Variants in RAP1GAP2 observed in about 807,000 individuals in gnomAD.
The protein encoded by RAP1GAP2 is RAP1 GTPase activating protein 2.
RAP1GAP2 carries 27 observed loss-of-function variants against 95.0 expected under a neutral mutation model. The ratio of observed to expected loss-of-function variants is 0.28; its 90% CI spans 0.21 to 0.39. The LOEUF (loss-of-function observed/expected upper bound fraction) is 0.39. Among genes scored for constraint, RAP1GAP2 ranks in the 10% least tolerant of loss-of-function variants. The pLI is 1.00. For synonymous variants in RAP1GAP2, 373 were observed against 380.9 expected, an observed-to-expected ratio of 0.98 and a Z score of 0.24; for missense variants, 771 against 970.0, an observed-to-expected ratio of 0.79 and a Z score of 2.72.
At chr17:2,894,468 A>C (rs965557828) in intron 2 of RAP1GAP2, among the ~76,000 whole-genome samples, 1 of 152,066 alleles carries the variant, frequency 6.6e-6, no homozygotes, top group Non-Finnish European at 1.5e-5. Flanking sequence ...CCAAAGCCCT[A>C]CATGCTGTCC....
upstream of RAP1GAP2, among the ~76,000 whole-genome samples, chr17:2,795,728 G>T (rs2069057716): frequency 6.6e-6 from 1 of 152,210 alleles, no homozygotes; most frequent in Non-Finnish European, 1.5e-5. Flanking sequence ...GTCTGTGCAC[G>T]TGTCCAATGG....
chr17:2,947,860 C>T (rs2043762616), intron 3 of RAP1GAP2, among the ~76,000 whole-genome samples: 2 of 152,156 alleles, frequency 1.3e-5, no homozygotes, highest in Admixed American at 1.3e-4. Flanking sequence ...GTCATGTCTT[C>T]CCTCTTCATC....
At chr17:2,945,145 G>T (rs2043657597) in intron 3 of RAP1GAP2, among the ~76,000 whole-genome samples, 1 of 152,212 alleles carries the variant, frequency 6.6e-6, no homozygotes, top group South Asian at 2.1e-4. Context: ...AAAATGCTGG[G>T]ATTATAGGCG....
At chr17:2,776,072 G>A (rs193107635), upstream of RAP1GAP2, among the ~76,000 whole-genome samples, 100 of 152,254 alleles carry the variant, frequency 6.6e-4, 1 homozygote, top group Admixed American at 6.3e-3. Flanking sequence ...CCAGCTACTC[G>A]GCAGGCTGAG....
intron 2 of RAP1GAP2, among the ~76,000 whole-genome samples, chr17:2,884,982 C>T (rs954191993): frequency 7.3e-5 from 11 of 151,712 alleles, no homozygotes; most frequent in African/African-American, 1.9e-4. Context: ...TCCTCATAGC[C>T]GTTACGGCCT....
chr17:2,977,032 G>A (rs901540306), intron 8 of RAP1GAP2, among the ~76,000 whole-genome samples: 3 of 151,468 alleles, frequency 2.0e-5, no homozygotes, highest in African/African-American at 7.3e-5. Flanking sequence ...AGCTACTCGG[G>A]AGGCGGAGGC....
chr17:2,799,159 G>A (rs1381185743), intron 1 of RAP1GAP2, among the ~76,000 whole-genome samples: 1 of 152,188 alleles, frequency 6.6e-6, no homozygotes, highest in Admixed American at 6.5e-5. Context: ...GCAGAGTGTG[G>A]GGCTCTGAGT....
chr17:2,863,781 G>T (rs1365521017), intron 2 of RAP1GAP2, among the ~76,000 whole-genome samples: 4 of 152,170 alleles, frequency 2.6e-5, no homozygotes, highest in Non-Finnish European at 2.9e-5. Context: ...GTAGGGCCGG[G>T]CACGGTGGCT....
intron 14 of RAP1GAP2, among the ~76,000 whole-genome samples, chr17:3,001,649 G>C (rs934366625): frequency 6.6e-6 from 1 of 152,232 alleles, no homozygotes; most frequent in African/African-American, 2.4e-5. Context: ...AGGGAGTACA[G>C]GTCAGCCACT....
In RAP1GAP2 at chr17:3,032,422, T is replaced by C. The variant is rs1417032052; in HGVS notation, c.*3T>C. ...TTTTGTTGAAACAGGGTCACTAATG[T>C]GAAAGTGGAGTCCTTCGCCTGTCCA... On this transcript the variant is annotated 3_prime_UTR_variant, in exon 24 of 25. Coordinates refer to ENST00000254695, the MANE Select transcript of RAP1GAP2 (RefSeq NM_015085.5). The C allele has an allele frequency of 8.1e-6, 13 of 1,613,802 alleles. No individual in the cohort carries two copies. The highest frequency in any genetic ancestry group is 1.1e-5 in the Non-Finnish European group (13 of 1,179,806).
At chr17:2,992,060 C>T (rs1184561979) in intron 12 of RAP1GAP2, among the ~76,000 whole-genome samples, 1 of 152,142 alleles carries the variant, frequency 6.6e-6, no homozygotes, top group African/African-American at 2.4e-5. Flanking sequence ...GCCGCCGCGC[C>T]TGGCCTGAAA....
At chr17:2,801,058 C>T (rs1273523082) in intron 2 of RAP1GAP2, among the ~76,000 whole-genome samples, 1 of 150,938 alleles carries the variant, frequency 6.6e-6, no homozygotes, top group Non-Finnish European at 1.5e-5. Context: ...CCATGTTGGC[C>T]AGGCTGGTCT....
Position 2,963,261 on chromosome 17 carries a change from A to G in RAP1GAP2, c.247-169A>G. On this transcript the variant is annotated intron_variant, in intron 5 of 24. Transcript: ENST00000254695. This position sits in a 1 kb window ranked among gnomAD's most constrained non-coding sequence, Gnocchi z 4.8. ...TTTGGGTTCTGTCAGTTTGGAGAAG[A>G]ACATGGGGGATGTTAGATTCCAGAG... is the stretch of plus-strand genomic sequence containing the variant. 1.3e-6 allele frequency: 1 copy of G among 773,874 alleles called. No individual in the cohort carries two copies. The highest frequency in any genetic ancestry group is 2.5e-5 in the East Asian group (1 of 39,426). The allele number at this position is 773,874 out of a possible 1,614,324, so 47.9% of individuals were successfully genotyped here. A position where few individuals can be genotyped will look rare whatever the true frequency, so the allele number is the denominator to read the frequency against.
Position 3,034,346 on chromosome 17 carries a change from TG to T in RAP1GAP2, c.*990del. The T allele has an allele frequency of 4.2e-6, 1 of 235,516 alleles. No homozygotes were observed. Among genetic ancestry groups the T allele is most frequent in the Non-Finnish European group, 8.7e-6 (1 of 114,924 alleles). The allele number at this position is 235,516 out of a possible 1,614,324, so 14.6% of individuals were successfully genotyped here. ...CCGGAGCCCAGGTCTCTGCTGACAA[TG>T]GGGGTTCAAGGAAGACGTCGTTATC... is the stretch of plus-strand genomic sequence containing the variant. On this transcript the variant is annotated 3_prime_UTR_variant, in exon 25 of 25. Coordinates refer to ENST00000254695, the MANE Select transcript of RAP1GAP2 (RefSeq NM_015085.5). This position sits in a 1 kb window ranked among gnomAD's most constrained non-coding sequence, Gnocchi z 5.1.
At chr17:2,972,627 T>C (rs2044915802) in intron 8 of RAP1GAP2, among the ~76,000 whole-genome samples, 1 of 149,408 alleles carries the variant, frequency 6.7e-6, no homozygotes, top group Non-Finnish European at 1.5e-5. Flanking sequence ...AAAGGATCTT[T>C]TTGAATAAAA....
chr17:3,010,036 T>C (rs2046465894), intron 17 of RAP1GAP2, among the ~76,000 whole-genome samples: 1 of 151,990 alleles, frequency 6.6e-6, no homozygotes, highest in Admixed American at 6.6e-5. Context: ...GTAAATGTAA[T>C]TTATGCAGAA....
At chr17:3,013,180 A>C (rs1447728563) in intron 17 of RAP1GAP2, among the ~76,000 whole-genome samples, 1 of 152,164 alleles carries the variant, frequency 6.6e-6, no homozygotes, top group African/African-American at 2.4e-5. Flanking sequence ...GGCCACAGCT[A>C]TCCCTGGCAG....
chr17:2,962,727 G>T lies in RAP1GAP2; in HGVS notation c.246+13G>T. The T allele has an allele frequency of 6.3e-7, 1 of 1,589,066 alleles. No individual in the cohort carries two copies. ...CCAGAAGAACAAGGTGGGCTGGGTG[G>T]GTGAGGGGGTGGCCAGACGGCCCTG... is the stretch of plus-strand genomic sequence containing the variant. On this transcript the variant is annotated intron_variant, in intron 5 of 24. Coordinates refer to ENST00000254695, the MANE Select transcript of RAP1GAP2 (RefSeq NM_015085.5).
chr17:2,914,910 G>A (rs561949687), intron 3 of RAP1GAP2, among the ~76,000 whole-genome samples: 68 of 150,568 alleles, frequency 4.5e-4, no homozygotes, highest in African/African-American at 1.6e-3. Context: ...TCCTGCCTCA[G>A]TCCCCCGAGT....
Sources: gnomAD v4.1 joint callset for allele counts (sites outside exome capture counted in the v4.1 genomes callset) on GRCh38, gnomAD v4.1.1 for gene constraint, Gnocchi (gnomAD v3.1) non-coding constraint, MANE v1.5 for transcripts, NCBI Gene and HGNC (gene_info 2026-07-23, HGNC 2026-07-21) for gene names.